The following NFIX variants were observed in gnomAD, a reference collection of about 807,000 sequenced individuals.
NFIX encodes nuclear factor 1 X-type.
NFIX carries 2 observed loss-of-function variants against 53.3 expected under a neutral mutation model. The observed-to-expected ratio is 0.04, with a 90% CI of 0.02 to 0.12. The LOEUF is 0.12. Ranked by LOEUF, NFIX falls within the 10% of genes least tolerant of loss-of-function variation. The pLI, the probability that NFIX is intolerant of heterozygous loss-of-function variation, is 1.00. For synonymous variants in NFIX, 244 were observed against 289.0 expected (o/e 0.84, Z 1.58); for missense variants, 310 against 674.5 (o/e 0.46, Z 5.99).
In NFIX at chr19:13,025,137, G is replaced by A; in HGVS notation, c.144G>A (p.Met48Ile). 1 of 1,614,268 alleles carries A rather than the reference G, an allele frequency of 6.2e-7. No homozygotes were observed. The highest frequency in any genetic ancestry group is 1.1e-5 in the South Asian group (1 of 91,082). Residue 48 changes from methionine (M) to isoleucine (I), a missense_variant, in exon 2 of 11, where the codon ATG (methionine) becomes ATA (isoleucine). Coordinates refer to ENST00000592199, the MANE Select transcript of NFIX (RefSeq NM_001365902.3). This position sits in a 1 kb window ranked among gnomAD's most constrained non-coding sequence, Gnocchi z 7.5. ...ACTTCAAGAAGCATGAAAAGCGGATGTCGAAGGACGAGGAGCGGGCGGTGA... is the reference window on the plus strand; with the variant it reads ...ACTTCAAGAAGCATGAAAAGCGGATATCGAAGGACGAGGAGCGGGCGGTGA... Reference protein sequence around the residue: ...RKYFKKHEKRMSKDEERAVKD... With the variant: ...RKYFKKHEKRISKDEERAVKD...
At position 13,025,671 on chromosome 19, in the gene NFIX, C is replaced by T. The variant is rs1599739266; in HGVS notation, c.559+119C>T. 8 of 1,179,820 alleles carry T rather than the reference C, an allele frequency of 6.8e-6. No homozygotes were observed. The highest frequency in any genetic ancestry group is 4.7e-5 in the Admixed American group (2 of 42,464). The allele number at this position is 1,179,820 out of a possible 1,614,324, so 73.1% of individuals were successfully genotyped here. ...GCCATGGGCCTAACTGGTGTATGCC[C>T]GTCCTGCGGGGCCTGCAACACGGTT... is the stretch of plus-strand genomic sequence containing the variant. On this transcript the variant is annotated intron_variant, in intron 2 of 10. Transcript: ENST00000592199. This position sits in a 1 kb window ranked among gnomAD's most constrained non-coding sequence, Gnocchi z 7.5.
At chr19:13,026,744 C>CTCTCTCTG (rs545440885) in intron 2 of NFIX, among the ~76,000 whole-genome samples, 30 of 150,014 alleles carry the variant, frequency 2.0e-4, no homozygotes, top group Admixed American at 3.3e-4. Context: ...CTCTCTCTCT[C>CTCTCTCTG]TGTGTGTGTG....
At position 13,068,843 on chromosome 19, in the gene NFIX, C is replaced by G. The variant is rs1156683419; in HGVS notation, c.560-4204C>G. On this transcript the variant is annotated intron_variant, in intron 2 of 10. Coordinates refer to ENST00000592199, the MANE Select transcript of NFIX (RefSeq NM_001365902.3). The surrounding 1 kb of genome is among the most constrained non-coding windows in gnomAD (Gnocchi z 4.2). ...AGTAGCCCAGGTCCCCAGAGAAGGACAGCCCGCAGAGCTGCGTGTTTGTGT... is the reference window on the plus strand; with the variant it reads ...AGTAGCCCAGGTCCCCAGAGAAGGAGAGCCCGCAGAGCTGCGTGTTTGTGT... 6.6e-6 allele frequency among the ~76,000 whole-genome samples: 1 copy of G among 152,236 alleles called. No individual in the cohort carries two copies. The highest frequency in any genetic ancestry group is 1.5e-5 in the Non-Finnish European group (1 of 68,042).
At chr19:13,070,628 C>T (rs930484085) in intron 2 of NFIX, 4 of 152,392 alleles carry the variant, frequency 2.6e-5, no homozygotes, top group African/African-American at 7.2e-5. Flanking sequence ...CATTGTGGGC[C>T]TCCGGCTGAG....
rs2012049221 is a variant in NFIX, at chr19:13,006,939, G to T, written c.27+11075G>T. On this transcript the variant is annotated intron_variant, in intron 1 of 10. Transcript: ENST00000592199. The surrounding 1 kb of genome is among the most constrained non-coding windows in gnomAD (Gnocchi z 5.6). ...GCTGCCAGTCTCCATTTCGAAGCTT[G>T]AGGTGGGGGTGGGGAAGTGCTGGGC... is the stretch of plus-strand genomic sequence containing the variant. Among the ~76,000 whole-genome samples the T allele has an allele frequency of 6.6e-6, 1 of 152,216 alleles. No individual in the cohort carries two copies. The highest frequency in any genetic ancestry group is 1.9e-4 in the East Asian group (1 of 5,192).
intron 1 of NFIX, chr19:13,023,868 C>G (rs1236231083): frequency 1.6e-6 from 1 of 629,504 alleles, no homozygotes; most frequent in African/African-American, 1.9e-5. Context: ...CACCCAAGCC[C>G]GGCCCCTATT....
Position 13,043,860 on chromosome 19 carries a change from C to T in NFIX, c.559+18308C>T, listed in dbSNP as rs752700697. ...GGCCGTAGGGCCAGGTGTGGTGGCT[C>T]ATACCTGTAATTCTAGCACTTTGGG... On this transcript the variant is annotated intron_variant, in intron 2 of 10. Coordinates refer to ENST00000592199, the MANE Select transcript of NFIX (RefSeq NM_001365902.3). This position sits in a 1 kb window ranked among gnomAD's most constrained non-coding sequence, Gnocchi z 4.0. Among the ~76,000 whole-genome samples, 5 of 152,142 alleles carry T rather than the reference C, an allele frequency of 3.3e-5. No individual in the cohort carries two copies. Among genetic ancestry groups the T allele is most frequent in the East Asian group, 1.9e-4 (1 of 5,194 alleles).
At position 13,038,381 on chromosome 19, in the gene NFIX, G is replaced by C. The variant is rs185449664; in HGVS notation, c.559+12829G>C. Among the ~76,000 whole-genome samples the C allele has an allele frequency of 1.7e-3, 262 of 152,216 alleles. 3 individuals are homozygous for C. The highest frequency in any genetic ancestry group is 9.3e-3 in the South Asian group (45 of 4,818). On this transcript the variant is annotated intron_variant, in intron 2 of 10. Transcript: ENST00000592199. The stretch of plus-strand genomic sequence containing the variant: ...CCTGAACAGGCCACTGCGGCTCCTG[G>C]GGCTTCCTGAGCGTAGCAGTCCCAG...
rs533017738 is a variant in NFIX, at chr19:13,002,025, G to A, written c.27+6161G>A. 1.7e-4 allele frequency among the ~76,000 whole-genome samples: 26 copies of A among 152,248 alleles called. No homozygotes were observed. In the South Asian group the frequency reaches 3.7e-3, roughly 22 times the overall value. On this transcript the variant is annotated intron_variant, in intron 1 of 10. Coordinates refer to ENST00000592199, the MANE Select transcript of NFIX (RefSeq NM_001365902.3). This position sits in a 1 kb window ranked among gnomAD's most constrained non-coding sequence, Gnocchi z 6.1. ...TTGATCTTGGCTTCTGCCTGTGTCC[G>A]TTCTAGCCTGGCCAGCTGGGTGTCC...
chr19:13,023,265 C>G (rs1311213558), intron 1 of NFIX, among the ~76,000 whole-genome samples: 1 of 151,802 alleles, frequency 6.6e-6, no homozygotes, highest in Non-Finnish European at 1.5e-5. Context: ...CACTCACACA[C>G]ACGCCCCATC....
intron 1 of NFIX, among the ~76,000 whole-genome samples, chr19:12,999,267 G>A (rs763074292): frequency 6.6e-6 from 1 of 151,302 alleles, no homozygotes; most frequent in Non-Finnish European, 1.5e-5. Context: ...TCTGCCTCCC[G>A]GGTTCAAGCA....
chr19:13,055,737 G>T (rs1200871868), intron 2 of NFIX, among the ~76,000 whole-genome samples: 3 of 152,166 alleles, frequency 2.0e-5, no homozygotes, highest in Non-Finnish European at 4.4e-5. Flanking sequence ...CAGCCCTCAG[G>T]CTCGGCTGGC....
intron 7 of NFIX, among the ~76,000 whole-genome samples, chr19:13,079,266 G>A (rs2017310070): frequency 6.6e-6 from 1 of 152,216 alleles, no homozygotes; most frequent in South Asian, 2.1e-4. Context: ...TTTCTAGAAA[G>A]GAAGGGCTGG....
chr19:13,041,526 G>A (rs1307153918), intron 2 of NFIX, among the ~76,000 whole-genome samples: 1 of 152,182 alleles, frequency 6.6e-6, no homozygotes, highest in Non-Finnish European at 1.5e-5. Context: ...GCAGGGCGCA[G>A]TGGCTCATGC....
chr19:13,021,965 G>A lies in NFIX; in HGVS notation c.28-3056G>A, dbSNP rs2012971794. ...TTTGGGTTTCTCATTTTATACTTTT[G>A]CACTTTGCACTGCTAGGGTTTGGGC... On this transcript the variant is annotated intron_variant, in intron 1 of 10. Coordinates refer to ENST00000592199, the MANE Select transcript of NFIX (RefSeq NM_001365902.3). This position sits in a 1 kb window ranked among gnomAD's most constrained non-coding sequence, Gnocchi z 4.2. 6.6e-6 allele frequency among the ~76,000 whole-genome samples: 1 copy of A among 151,996 alleles called. No homozygotes were observed. Among genetic ancestry groups the A allele is most frequent in the Non-Finnish European group, 1.5e-5 (1 of 68,012 alleles).
At chr19:13,082,159 C>T in intron 8 of NFIX, 1 of 377,512 alleles carries the variant, frequency 2.6e-6, no homozygotes. Flanking sequence ...CATGATGATC[C>T]AACCCGGATC....
At chr19:13,018,710 C>CCGCTG (rs1417348314) in intron 1 of NFIX, among the ~76,000 whole-genome samples, 1 of 152,230 alleles carries the variant, frequency 6.6e-6, no homozygotes, top group Admixed American at 6.5e-5. Context: ...CCCAGTGCTG[C>CCGCTG]CGCTGCGTCA....
At chr19:13,019,443 G>A (rs1267572652) in intron 1 of NFIX, among the ~76,000 whole-genome samples, 1 of 152,042 alleles carries the variant, frequency 6.6e-6, no homozygotes, top group African/African-American at 2.4e-5. Context: ...TCTCTGCCGC[G>A]GTGCAGAGCC....
rs2017910089 is a variant in NFIX at position 13,088,258 on chromosome 19, C to T, written c.1402+122C>T. On this transcript the variant is annotated intron_variant, in intron 9 of 10. Transcript: ENST00000592199. The surrounding 1 kb of genome is among the most constrained non-coding windows in gnomAD (Gnocchi z 5.9). ...ACCAAAGCCCCCCAACCCAGAGCAC[C>T]ATGGACAAGAGCAGAGCCGAGCCCC... is the stretch of plus-strand genomic sequence containing the variant. 1 of 1,245,938 alleles carries T rather than the reference C, an allele frequency of 8.0e-7. No homozygotes were observed. The highest frequency in any genetic ancestry group is 1.5e-5 in the African/African-American group (1 of 66,050). 77.2% of individuals were successfully genotyped at this position (1,245,938 alleles called of 1,614,324 possible).
Sources: gnomAD v4.1 joint callset for allele counts (sites outside exome capture counted in the v4.1 genomes callset) on GRCh38, gnomAD v4.1.1 for gene constraint, Gnocchi (gnomAD v3.1) non-coding constraint, MANE v1.5 for transcripts, NCBI Gene and HGNC (gene_info 2026-07-23, HGNC 2026-07-21) for gene names.